NBPF14: variants seen among roughly 807,000 people sequenced by gnomAD.
NBPF14 encodes the protein NBPF family member NBPF14.
Under a neutral mutation model 91.2 loss-of-function variants are expected in NBPF14, and 104 were observed. That is an observed-to-expected ratio of 1.14 (90% confidence interval 0.97 to 1.34). NBPF14 has a LOEUF of 1.34. Among genes scored for constraint, NBPF14 ranks in the 40% most tolerant of loss-of-function variants. NBPF14 has a pLI of 0.00. For missense variants in NBPF14, 908 were observed against 783.0 expected, an observed-to-expected ratio of 1.16 and a Z score of -1.91; for synonymous variants, 294 against 303.8, an observed-to-expected ratio of 0.97 and a Z score of 0.34.
chr1:148,593,674 T>C, exon 3 of NBPF14: 1 of 1,544,812 alleles, frequency 6.5e-7, no homozygotes, highest in East Asian at 2.2e-5. Flanking sequence ...AGCATAAATT[T>C]TATGAGGTCT....
intron 20 of NBPF14, 51 bp from the exon 21 acceptor site, chr1:148,572,666 C>T (rs1659277910): frequency 1.5e-6 from 1 of 668,298 alleles, no homozygotes; most frequent in Non-Finnish European, 2.7e-6. Context: ...TCAGAAACCA[C>T]ACAGCCCCAG....
chr1:148,533,788 A>T (rs1553331767), intron 70 of NBPF14, 73 bp downstream of exon 70: 1 of 764,436 alleles, frequency 1.3e-6, no homozygotes, highest in African/African-American at 1.7e-5. Flanking sequence ...CATCAAACAC[A>T]CTCTGGTTTC....
At position 148,591,376 on chromosome 1, in the gene NBPF14, C is replaced by T. The variant is rs1170826879; in HGVS notation, c.566+56G>A. ...CATAGATGCCAGAGAGGGTGTGCCTCCTAGACATTTTCATACGTTACCACC... is the reference window on the plus strand; with the variant it reads ...CATAGATGCCAGAGAGGGTGTGCCTTCTAGACATTTTCATACGTTACCACC... On this transcript the variant is annotated intron_variant, in intron 5 of 70. Coordinates refer to ENST00000619423, the Ensembl canonical transcript of NBPF14. 13 of 1,503,936 alleles carry T rather than the reference C, an allele frequency of 8.6e-6. No homozygotes were observed. In the Middle Eastern group the frequency reaches 1.2e-3, roughly 136 times the overall value. 93.2% of individuals were successfully genotyped at this position (1,503,936 alleles called of 1,614,324 possible). A position where few individuals can be genotyped will look rare whatever the true frequency, so the allele number is the denominator to read the frequency against.
chr1:148,539,302 C>G (rs1463740155), intron 63 of NBPF14, 108 bp downstream of exon 63: 47,140 of 631,192 alleles, frequency 0.075, 13,662 homozygotes, highest in East Asian at 0.35. Context: ...TAGGTCCTGA[C>G]TGCGGCAATG....
chr1:148,585,226 A>C lies in NBPF14; in HGVS notation c.1307-13T>G. On this transcript the variant is annotated splice_polypyrimidine_tract_variant and intron_variant, in intron 9 of 70. Coordinates refer to ENST00000619423, the Ensembl canonical transcript of NBPF14. ...TCGTTGTCATTTTCTGTAAATACAG[A>C]AGTGTTCGTTCAGGTATTTCCCACT... is the stretch of plus-strand genomic sequence containing the variant. 6.3e-7 allele frequency: 1 copy of C among 1,588,976 alleles called. No homozygotes were observed. The highest frequency in any genetic ancestry group is 2.2e-5 in the East Asian group (1 of 44,862).
In NBPF14 at chr1:148,586,470, C is replaced by T; in HGVS notation, c.1092-1G>A. 1 of 1,021,326 alleles carries T rather than the reference C, an allele frequency of 9.8e-7. No individual in the cohort carries two copies. Among genetic ancestry groups the T allele is most frequent in the South Asian group, 1.3e-5 (1 of 78,436 alleles). The allele number at this position is 1,021,326 out of a possible 1,614,324, so 63.3% of individuals were successfully genotyped here. ...AGCGTGAACCAGGACTTTATATTGC[C>T]TAAGGTGAGACGGTAGAGAAAATTT... On this transcript the variant is annotated splice_acceptor_variant, in intron 8 of 70. Coordinates refer to ENST00000619423, the Ensembl canonical transcript of NBPF14. LOFTEE classifies it high-confidence loss of function.
intron 67 of NBPF14, 86 bp from the exon 68 acceptor site, chr1:148,535,590 C>A: frequency 4.1e-6 from 1 of 245,722 alleles, no homozygotes; most frequent in Non-Finnish European, 7.3e-6. Context: ...CACACAGGGA[C>A]TTCAGGCTCC....
Position 148,567,016 on chromosome 1 carries a change from C to A in NBPF14, c.3491-13G>T. The stretch of plus-strand genomic sequence containing the variant: ...TCCTTTTTAATTCCTGCAATACATT[C>A]AGACAGGGACAGACAAAATAAGCCA... On this transcript the variant is annotated splice_polypyrimidine_tract_variant and intron_variant, in intron 27 of 70. Coordinates refer to ENST00000619423, the Ensembl canonical transcript of NBPF14. 4.3e-6 allele frequency: 1 copy of A among 231,938 alleles called. No homozygotes were observed. Among genetic ancestry groups the A allele is most frequent in the Admixed American group, 7.9e-5 (1 of 12,712 alleles). The allele number at this position is 231,938 out of a possible 1,614,324, so 14.4% of individuals were successfully genotyped here.
rs1159784930 is a variant in NBPF14 at position 148,533,981 on chromosome 1, T to A, written c.8615-12A>T. On this transcript the variant is annotated splice_polypyrimidine_tract_variant and intron_variant, in intron 69 of 70. Coordinates refer to ENST00000619423, the Ensembl canonical transcript of NBPF14. ...CTTCTTTTCAATTTCTGCAATAAAT[T>A]CAGACATGGACAGACACATTAAGCT... The A allele has an allele frequency of 2.7e-5, 19 of 703,534 alleles. No homozygotes were observed. Among genetic ancestry groups the A allele is most frequent in the South Asian group, 2.0e-4 (14 of 68,664 alleles). The allele number at this position is 703,534 out of a possible 1,614,324, so 43.6% of individuals were successfully genotyped here.
chr1:148,577,676 A>T (rs1223532735), intron 14 of NBPF14, among the ~76,000 whole-genome samples: 4 of 148,106 alleles, frequency 2.7e-5, no homozygotes, highest in Non-Finnish European at 3.0e-5. Flanking sequence ...ACACACAGTG[A>T]ACAGTGATCA....
chr1:148,590,093 G>C (rs1662227846), intron 6 of NBPF14, among the ~76,000 whole-genome samples: 2 of 126,932 alleles, frequency 1.6e-5, no homozygotes, highest in South Asian at 5.3e-4. Flanking sequence ...CTGTCTCCCA[G>C]GCTGGAGTGC....
chr1:148,589,823 T>C (rs1173179076), intron 6 of NBPF14, among the ~76,000 whole-genome samples: 8 of 148,000 alleles, frequency 5.4e-5, no homozygotes, highest in Admixed American at 1.4e-4. Flanking sequence ...ACCTCTGCCG[T>C]CCGGGTTCAA....
intron 6 of NBPF14, among the ~76,000 whole-genome samples, chr1:148,590,215 A>AT (rs1261308189): frequency 0.079 from 9,422 of 118,682 alleles, 690 homozygotes; most frequent in African/African-American, 0.1. Flanking sequence ...ACGCCCAGCT[A>AT]TTTTTTTTTT....
intron 4 of NBPF14, 63 bp from the exon 5 acceptor site, chr1:148,591,567 C>T: frequency 6.2e-7 from 1 of 1,609,492 alleles, no homozygotes; most frequent in Middle Eastern, 2.2e-4. Flanking sequence ...ACAGTCAGCC[C>T]AACGTGCACA....
chr1:148,591,273 G>A lies in NBPF14; in HGVS notation c.566+159C>T, dbSNP rs1336436979. 4.2e-3 allele frequency among the ~76,000 whole-genome samples: 622 copies of A among 148,792 alleles called. 35 individuals carry two copies. Among genetic ancestry groups the A allele is most frequent in the Non-Finnish European group, 5.6e-3 (374 of 66,316 alleles). On this transcript the variant is annotated intron_variant, in intron 5 of 70. Coordinates refer to ENST00000619423, the Ensembl canonical transcript of NBPF14. ...ACACTTGGCACACATAGAGAAACACGACAGCTGCCGCACCCTGTGTCTAAG... is the reference window on the plus strand; with the variant it reads ...ACACTTGGCACACATAGAGAAACACAACAGCTGCCGCACCCTGTGTCTAAG...
chr1:148,566,355 A>C, intron 28 of NBPF14, 40 bp from the exon 29 acceptor site: 2 of 751,292 alleles, frequency 2.7e-6, no homozygotes, highest in South Asian at 1.4e-5. Context: ...GCCAGGGGAA[A>C]TCAGACACAA....
intron 68 of NBPF14, 50 bp downstream of exon 68, chr1:148,535,402 CA>C (rs1239665286): frequency 2.0e-6 from 1 of 506,474 alleles, no homozygotes; most frequent in Admixed American, 3.3e-5. Context: ...CTGGACCTGG[CA>C]TCTCCAGGTG....
intron 69 of NBPF14, among the ~76,000 whole-genome samples, chr1:148,534,226 G>T (rs1406042870): frequency 6.6e-6 from 1 of 151,146 alleles, no homozygotes; most frequent in Non-Finnish European, 1.5e-5. Context: ...TCTGCAAACA[G>T]TTACGCCATA....
chr1:148,535,199 T>G (rs1479724847), intron 68 of NBPF14, among the ~76,000 whole-genome samples: 72 of 149,776 alleles, frequency 4.8e-4, no homozygotes, highest in Admixed American at 4.1e-3. Context: ...TAATTTTCCA[T>G]AAACTTGCTC....
Sources: gnomAD v4.1 joint callset for allele counts (sites outside exome capture counted in the v4.1 genomes callset) on GRCh38, gnomAD v4.1.1 for gene constraint, MANE v1.5 for transcripts, NCBI Gene and HGNC (gene_info 2026-07-23, HGNC 2026-07-21) for gene names.